PTPRN2: variants seen among roughly 807,000 people sequenced by gnomAD.
PTPRN2 encodes the protein receptor-type tyrosine-protein phosphatase N2.
A neutral mutation model predicts 118.8 loss-of-function variants in PTPRN2; 74 were observed. The ratio of observed to expected loss-of-function variants is 0.62; its 90% CI spans 0.52 to 0.76. The LOEUF (loss-of-function observed/expected upper bound fraction) is 0.76, where lower values mean the gene tolerates loss of function less well. Among genes scored for constraint, PTPRN2 ranks in the 30% least tolerant of loss-of-function variants. The pLI is 0.00. For synonymous variants in PTPRN2, 641 were observed against 608.0 expected, an observed-to-expected ratio of 1.05 and a Z score of -0.80; for missense variants, 1,481 against 1,394.4, an observed-to-expected ratio of 1.06 and a Z score of -0.99.
At chr7:158,337,115 G>A (rs867770472) in intron 2 of PTPRN2, among the ~76,000 whole-genome samples, 874 of 148,402 alleles carry the variant, frequency 5.9e-3, no homozygotes, top group African/African-American at 0.021. Context: ...CATAAGAGCT[G>A]AGGCCCACAG....
chr7:158,412,815 C>T (rs1437348193), intron 2 of PTPRN2, among the ~76,000 whole-genome samples: 2 of 130,154 alleles, frequency 1.5e-5, no homozygotes, highest in Admixed American at 1.5e-4. Flanking sequence ...CCCATCTCAG[C>T]ACCCTCCTCA....
chr7:158,131,147 C>T (rs1200409452), intron 9 of PTPRN2, among the ~76,000 whole-genome samples: 1 of 74,154 alleles, frequency 1.3e-5, no homozygotes, highest in African/African-American at 9.6e-5. Flanking sequence ...CACATACACA[C>T]ACAAATACCC....
Position 157,618,420 on chromosome 7 carries a change from G to T in PTPRN2, c.2344+2942C>A, listed in dbSNP as rs1399481511. 1 of 152,318 alleles carries T rather than the reference G, an allele frequency of 6.6e-6. No homozygotes were observed. Among genetic ancestry groups the T allele is most frequent in the African/African-American group, 2.4e-5 (1 of 41,438 alleles). 9.4% of individuals were successfully genotyped at this position (152,318 alleles called of 1,614,324 possible). A position where few individuals can be genotyped will look rare whatever the true frequency, so the allele number is the denominator to read the frequency against. Reference sequence around the variant, plus strand: ...CCCAGCATGCAGACTCGCTTCCATCGCGACACAGAGGACAGCATGGAGCCC... The same window carrying T: ...CCCAGCATGCAGACTCGCTTCCATCTCGACACAGAGGACAGCATGGAGCCC... On this transcript the variant is annotated intron_variant, in intron 15 of 22. Coordinates refer to ENST00000389418, the MANE Select transcript of PTPRN2 (RefSeq NM_002847.5). The surrounding 1 kb of genome is among the most constrained non-coding windows in gnomAD (Gnocchi z 4.2).
In PTPRN2 at chr7:158,216,052, G is replaced by A. The variant is rs577153531; in HGVS notation, c.278-10779C>T. The stretch of plus-strand genomic sequence containing the variant: ...TTATGTCATTTTAAATGCACATAGA[G>A]GAAATATTTAAACAATTATAATATA... On this transcript the variant is annotated intron_variant, in intron 3 of 22. Transcript: ENST00000389418. 1.6e-3 allele frequency among the ~76,000 whole-genome samples: 238 copies of A among 152,004 alleles called. 2 individuals carry two copies. Among genetic ancestry groups the A allele is most frequent in the African/African-American group, 5.6e-3 (234 of 41,470 alleles).
chr7:157,836,850 C>T (rs1248877951), intron 12 of PTPRN2, among the ~76,000 whole-genome samples: 1 of 151,922 alleles, frequency 6.6e-6, no homozygotes, highest in Non-Finnish European at 1.5e-5. Context: ...GTCCATTCAT[C>T]CATCCATCCA....
chr7:157,798,132 G>A (rs978545229), intron 12 of PTPRN2, among the ~76,000 whole-genome samples: 6 of 152,286 alleles, frequency 3.9e-5, no homozygotes, highest in African/African-American at 7.2e-5. Context: ...GGTGGCGCAC[G>A]CCTGTAATCC....
intron 5 of PTPRN2, among the ~76,000 whole-genome samples, chr7:158,171,286 TATACACAC>T (rs1199065456): frequency 2.7e-5 from 2 of 75,354 alleles, no homozygotes; most frequent in African/African-American, 7.8e-5. Context: ...CACACATATA[TATACACAC>T]ATATATATAC....
intron 12 of PTPRN2, among the ~76,000 whole-genome samples, chr7:157,799,671 C>T (rs755079355): frequency 2.0e-5 from 3 of 152,122 alleles, no homozygotes; most frequent in Non-Finnish European, 2.9e-5. Flanking sequence ...AGTCACATCC[C>T]TCTCCCTCTG....
intron 2 of PTPRN2, among the ~76,000 whole-genome samples, chr7:158,445,014 A>T (rs866354174): frequency 6.6e-6 from 1 of 152,232 alleles, no homozygotes; most frequent in South Asian, 2.1e-4. Flanking sequence ...GTGGACCGTG[A>T]GACCTGCCAC....
chr7:158,036,903 T>G (rs552746271), intron 11 of PTPRN2, among the ~76,000 whole-genome samples: 2 of 152,280 alleles, frequency 1.3e-5, no homozygotes, highest in South Asian at 4.1e-4. Flanking sequence ...CCCTAGATAC[T>G]CAATGCAATG....
chr7:158,280,141 T>G (rs11971070), intron 3 of PTPRN2, among the ~76,000 whole-genome samples: 1 of 152,200 alleles, frequency 6.6e-6, no homozygotes, highest in East Asian at 1.9e-4. Context: ...AATCATTGTT[T>G]CACAGACCGC....
At chr7:158,335,850 C>G (rs1202479200) in intron 2 of PTPRN2, among the ~76,000 whole-genome samples, 1 of 6,710 alleles carries the variant, frequency 1.5e-4, no homozygotes, top group Non-Finnish European at 3.3e-4. Flanking sequence ...ACCATAAGAG[C>G]TGACACCTGC....
chr7:158,544,477 A>C lies in PTPRN2; in HGVS notation c.112+43081T>G, dbSNP rs1826167766. Among the ~76,000 whole-genome samples the C allele has an allele frequency of 6.6e-6, 1 of 152,008 alleles. No individual in the cohort carries two copies. Among genetic ancestry groups the C allele is most frequent in the African/African-American group, 2.4e-5 (1 of 41,376 alleles). On this transcript the variant is annotated intron_variant, in intron 1 of 22. Transcript: ENST00000389418. This position sits in a 1 kb window ranked among gnomAD's most constrained non-coding sequence, Gnocchi z 4.2. Reference sequence around the variant, plus strand: ...ATAGTGAAACCCTGTCTCTAATAAAAATACAAAAAAATTAGCCTGGTGTGG... The same window carrying C: ...ATAGTGAAACCCTGTCTCTAATAAACATACAAAAAAATTAGCCTGGTGTGG...
intron 9 of PTPRN2, among the ~76,000 whole-genome samples, chr7:158,131,648 C>A (rs1035979403): frequency 6.6e-6 from 1 of 151,454 alleles, no homozygotes; most frequent in South Asian, 2.1e-4. Context: ...TACACACATG[C>A]ACATACACAC....
chr7:158,137,342 G>A (rs950365252), intron 7 of PTPRN2, among the ~76,000 whole-genome samples: 8 of 152,126 alleles, frequency 5.3e-5, no homozygotes, highest in African/African-American at 9.7e-5. Flanking sequence ...ACTTGAACCC[G>A]GCAGGCAAAG....
At chr7:158,083,874 G>C (rs972289431) in intron 10 of PTPRN2, among the ~76,000 whole-genome samples, 3 of 152,180 alleles carry the variant, frequency 2.0e-5, no homozygotes, top group African/African-American at 7.2e-5. Flanking sequence ...GCTGTCTCCG[G>C]AGGAGACTCA....
chr7:158,186,078 C>T (rs999900418), intron 5 of PTPRN2, among the ~76,000 whole-genome samples: 7 of 152,146 alleles, frequency 4.6e-5, no homozygotes, highest in African/African-American at 1.4e-4. Context: ...AGGAAAGAGG[C>T]GGGGGTGCAG....
Position 158,434,544 on chromosome 7 carries a change from A to G in PTPRN2, c.163+55191T>C, listed in dbSNP as rs376033177. ...CTCTTCCAGCGTTTCAAACTTTTAT[A>G]TCTCAACATTGAAGGTGGTCCCTTG... On this transcript the variant is annotated intron_variant, in intron 2 of 22. Coordinates refer to ENST00000389418, the MANE Select transcript of PTPRN2 (RefSeq NM_002847.5). 1.1e-4 allele frequency among the ~76,000 whole-genome samples: 17 copies of G among 152,220 alleles called. No homozygotes were observed. The East Asian group carries it at 1.9e-3, about 17-fold the overall frequency.
intron 17 of PTPRN2, among the ~76,000 whole-genome samples, chr7:157,581,753 C>T (rs553102893): frequency 2.6e-5 from 4 of 152,348 alleles, no homozygotes; most frequent in East Asian, 1.9e-4. Flanking sequence ...CTTATATTGA[C>T]GTCCTAATCC....
Sources: allele counts gnomAD v4.1 joint callset (sites outside exome capture counted in the v4.1 genomes callset), GRCh38; gene constraint gnomAD v4.1.1; non-coding constraint Gnocchi (gnomAD v3.1); transcripts MANE v1.5; gene names NCBI Gene and HGNC (gene_info 2026-07-23, HGNC 2026-07-21).